KCNQ5: variants seen among roughly 807,000 people sequenced by gnomAD.
The protein encoded by KCNQ5 is potassium voltage-gated channel subfamily Q member 5, also known as potassium voltage-gated channel subfamily KQT member 5.
A neutral mutation model predicts 98.2 loss-of-function variants in KCNQ5; 30 were observed. That is an observed-to-expected ratio of 0.31 (90% confidence interval 0.23 to 0.41). The LOEUF is 0.41. Ranked by LOEUF, KCNQ5 falls within the 10% of genes least tolerant of loss-of-function variation. The pLI is 1.00. For synonymous variants in KCNQ5, 458 were observed against 449.4 expected (o/e 1.02, Z -0.24); for missense variants, 835 against 1,182.5 (o/e 0.71, Z 4.31).
At chr6:73,144,539 TGTTCCC>T (rs1238999015) in intron 10 of KCNQ5, among the ~76,000 whole-genome samples, 4 of 152,230 alleles carry the variant, frequency 2.6e-5, no homozygotes, top group Non-Finnish European at 5.9e-5. Context: ...TTGAAACTAT[TGTTCCC>T]ATAATTTTGT....
chr6:73,190,646 G>T lies in KCNQ5; in HGVS notation c.1651G>T (p.Glu551Ter). 1 of 1,597,044 alleles carries T rather than the reference G, an allele frequency of 6.3e-7. No individual in the cohort carries two copies. The highest frequency in any genetic ancestry group is 1.1e-5 in the South Asian group (1 of 88,148). ...LRPYDVKDVI[E>*]QYSAGHLDML... ...TCCATATGATGTAAAAGATGTCATT[G>T]AACAATATTCTGCTGGTCATCTGGA... The change falls in exon 12 of 14, where the codon GAA becomes TAA. Residue 551 changes from glutamate to a stop codon, truncating the protein, a stop_gained. Coordinates refer to ENST00000370398, the MANE Select transcript of KCNQ5 (RefSeq NM_019842.4). LOFTEE classifies it high-confidence loss of function.
Position 72,746,064 on chromosome 6 carries a change from C to CAAAA in KCNQ5, c.398+123514_398+123517dup, listed in dbSNP as rs59726566. Among the ~76,000 whole-genome samples, 48 of 80,198 alleles carry CAAAA rather than the reference C, an allele frequency of 6.0e-4. 2 individuals carry two copies. Among genetic ancestry groups the CAAAA allele is most frequent in the African/African-American group, 1.4e-3 (40 of 28,674 alleles). The allele number at this position is 80,198 out of a possible 152,430, so 52.6% of individuals were successfully genotyped here. A position where few individuals can be genotyped will look rare whatever the true frequency, so the allele number is the denominator to read the frequency against. ...ATTATATCCGCAAAGACTCTATTTGCAAAAAAAAAAAAAAAAAAAAAAAAA... is the reference window on the plus strand; with the variant it reads ...ATTATATCCGCAAAGACTCTATTTGCAAAAAAAAAAAAAAAAAAAAAAAAAAAAA... On this transcript the variant is annotated intron_variant, in intron 1 of 13. Coordinates refer to ENST00000370398, the MANE Select transcript of KCNQ5 (RefSeq NM_019842.4).
intron 5 of KCNQ5, among the ~76,000 whole-genome samples, chr6:73,084,099 G>A (rs1269041137): frequency 1.3e-5 from 2 of 152,108 alleles, no homozygotes; most frequent in African/African-American, 2.4e-5. Flanking sequence ...TGGTTCACCC[G>A]AGATGAACAG....
intron 2 of KCNQ5, among the ~76,000 whole-genome samples, chr6:73,022,370 A>C (rs1166310987): frequency 6.6e-6 from 1 of 152,170 alleles, no homozygotes; most frequent in Non-Finnish European, 1.5e-5. Context: ...AACTGGACAC[A>C]GTGGCTTATG....
Position 73,025,623 on chromosome 6 carries a change from CAAAAAAAAAAAAAAAAA to C in KCNQ5, c.490-16293_490-16277del, listed in dbSNP as rs58607159. On this transcript the variant is annotated intron_variant, in intron 2 of 13. Coordinates refer to ENST00000370398, the MANE Select transcript of KCNQ5 (RefSeq NM_019842.4). ...GGGCGACAAGAGCAAAACTCCATCT[CAAAAAAAAAAAAAAAAA>C]AAAAAAAAAAAAAAAAAAATTCAAG... Among the ~76,000 whole-genome samples, 46 of 53,014 alleles carry C rather than the reference CAAAAAAAAAAAAAAAAA, an allele frequency of 8.7e-4. 1 individual carries two copies. The highest frequency in any genetic ancestry group is 1.7e-3 in the African/African-American group (40 of 24,196). The allele number at this position is 53,014 out of a possible 152,430, so 34.8% of individuals were successfully genotyped here. A position where few individuals can be genotyped will look rare whatever the true frequency, so the allele number is the denominator to read the frequency against.
At chr6:73,170,420 CCACACACACACACA>C (rs57867720) in intron 11 of KCNQ5, among the ~76,000 whole-genome samples, 241 of 140,934 alleles carry the variant, frequency 1.7e-3, no homozygotes, top group African/African-American at 5.0e-3. Context: ...ACCTTTCCCA[CCACACACACACACA>C]CACACACACA....
At chr6:72,769,579 GA>G (rs1490585714) in intron 1 of KCNQ5, among the ~76,000 whole-genome samples, 9 of 151,890 alleles carry the variant, frequency 5.9e-5, no homozygotes, top group Admixed American at 5.9e-4. Context: ...AGCCAGGGTT[GA>G]GAAACTTTGG....
chr6:72,642,429 A>G (rs1765371593), intron 1 of KCNQ5, among the ~76,000 whole-genome samples: 1 of 152,058 alleles, frequency 6.6e-6, no homozygotes, highest in Admixed American at 6.6e-5. Context: ...GATCAACCCT[A>G]TCACCCAGGC....
chr6:72,957,997 A>T (rs1313066442), intron 1 of KCNQ5, among the ~76,000 whole-genome samples: 3 of 152,188 alleles, frequency 2.0e-5, no homozygotes, highest in African/African-American at 4.8e-5. Flanking sequence ...TAGATTCCTT[A>T]GAGCAAGTGC....
chr6:73,192,887 C>A (rs75099229), intron 13 of KCNQ5, among the ~76,000 whole-genome samples, 196 bp downstream of exon 13: 1 of 151,832 alleles, frequency 6.6e-6, no homozygotes. Flanking sequence ...AATAGAAAAT[C>A]TCATCTCATC....
At chr6:72,743,585 A>G (rs900266056) in intron 1 of KCNQ5, among the ~76,000 whole-genome samples, 2 of 152,170 alleles carry the variant, frequency 1.3e-5, no homozygotes, top group African/African-American at 4.8e-5. Context: ...GCTGCAGTAA[A>G]CCCTTTTAAA....
chr6:72,796,370 T>C (rs1774337040), intron 1 of KCNQ5, among the ~76,000 whole-genome samples: 1 of 151,956 alleles, frequency 6.6e-6, no homozygotes, highest in African/African-American at 2.4e-5. Flanking sequence ...GCCTGGACAA[T>C]GATGTAGGTG....
At chr6:72,731,461 A>G (rs1038300404) in intron 1 of KCNQ5, among the ~76,000 whole-genome samples, 2 of 152,238 alleles carry the variant, frequency 1.3e-5, no homozygotes, top group Non-Finnish European at 2.9e-5. Context: ...AGTTATGGGT[A>G]TAGGCATTCC....
At position 73,148,005 on chromosome 6, in the gene KCNQ5, A is replaced by G. The variant is rs556375870; in HGVS notation, c.1468+14364A>G. 4.6e-5 allele frequency among the ~76,000 whole-genome samples: 7 copies of G among 152,326 alleles called. No homozygotes were observed. In the South Asian group the frequency reaches 1.4e-3, roughly 32 times the overall value. ...CATATTCTAGTGTTTCCATTTGAAT[A>G]AAGATAGTATATATAACATATGCAA... is the stretch of plus-strand genomic sequence containing the variant. On this transcript the variant is annotated intron_variant, in intron 10 of 13. Transcript: ENST00000370398.
chr6:72,654,814 GAT>G (rs1245405187), intron 1 of KCNQ5, among the ~76,000 whole-genome samples: 2 of 151,914 alleles, frequency 1.3e-5, no homozygotes, highest in Admixed American at 6.6e-5. Context: ...ATTCTAGTGT[GAT>G]ATTATTTTCA....
chr6:72,696,395 A>G (rs1272499328), intron 1 of KCNQ5, among the ~76,000 whole-genome samples: 1 of 152,222 alleles, frequency 6.6e-6, no homozygotes, highest in Non-Finnish European at 1.5e-5. Context: ...TAGGCACTTT[A>G]TGAAGCAAGA....
chr6:72,692,509 C>T (rs2154474283), intron 1 of KCNQ5, among the ~76,000 whole-genome samples: 1 of 152,322 alleles, frequency 6.6e-6, no homozygotes, highest in South Asian at 2.1e-4. Flanking sequence ...GAAGATAACT[C>T]AGCTAGAGGA....
intron 3 of KCNQ5, chr6:73,055,524 C>T (rs1772444831): frequency 1.3e-6 from 2 of 1,513,382 alleles, no homozygotes; most frequent in East Asian, 2.3e-5. Context: ...GCAGACCTCA[C>T]AGAAAATCAC....
chr6:72,707,282 C>T (rs1189721526), intron 1 of KCNQ5, among the ~76,000 whole-genome samples: 1 of 152,150 alleles, frequency 6.6e-6, no homozygotes, highest in Admixed American at 6.5e-5. Context: ...AATATCAAGG[C>T]AGAAAGCCCA....
Sources: allele counts gnomAD v4.1 joint callset (sites outside exome capture counted in the v4.1 genomes callset), GRCh38; gene constraint gnomAD v4.1.1; transcripts MANE v1.5; gene names NCBI Gene and HGNC (gene_info 2026-07-23, HGNC 2026-07-21).